Variants in PARD3B observed in about 807,000 individuals in gnomAD.
PARD3B encodes par-3 family cell polarity regulator beta, also known as partitioning defective 3 homolog B.
PARD3B carries 103 observed loss-of-function variants against 130.2 expected under a neutral mutation model. The ratio of observed to expected loss-of-function variants is 0.79; its 90% CI spans 0.67 to 0.93. The LOEUF is 0.93. PARD3B is among the 40% of genes least tolerant of loss of function. The probability of loss-of-function intolerance (pLI) is 0.00; values close to 1 mark genes in which losing one functional copy is unlikely to be tolerated. For synonymous variants in PARD3B, 583 were observed against 553.2 expected (o/e 1.05, Z -0.76); for missense variants, 1,609 against 1,499.2 (o/e 1.07, Z -1.21).
chr2:205,593,659 G>A (rs918131112), intron 22 of PARD3B, among the ~76,000 whole-genome samples: 2 of 152,168 alleles, frequency 1.3e-5, no homozygotes, highest in Non-Finnish European at 1.5e-5. Flanking sequence ...GAACAAGGAG[G>A]TAAATTAGAG....
At chr2:204,801,617 G>A (rs1373596339) in intron 2 of PARD3B, among the ~76,000 whole-genome samples, 1 of 152,130 alleles carries the variant, frequency 6.6e-6, no homozygotes, top group Admixed American at 6.5e-5. Flanking sequence ...TGAGACAATG[G>A]GGTTTTCTAA....
At chr2:204,812,159 A>G (rs1319397688) in intron 2 of PARD3B, among the ~76,000 whole-genome samples, 1 of 152,156 alleles carries the variant, frequency 6.6e-6, no homozygotes, top group Non-Finnish European at 1.5e-5. Flanking sequence ...TTCACTCACT[A>G]AAATTATTTT....
rs544040253 is a variant in PARD3B at position 205,308,499 on chromosome 2, C to T, written c.2630+6798C>T. Among the ~76,000 whole-genome samples the T allele has an allele frequency of 1.9e-4, 29 of 149,954 alleles. 1 individual carries two copies. Among genetic ancestry groups the T allele is most frequent in the African/African-American group, 6.8e-4 (28 of 40,992 alleles). On this transcript the variant is annotated intron_variant, in intron 18 of 22. Transcript: ENST00000406610. ...GCGGGCGCCTGTAGTCCCAGCTACT[C>T]AGGAGGCTGAGGCAGGAGAATGGCG...
chr2:205,518,998 C>T (rs867353794), intron 21 of PARD3B, among the ~76,000 whole-genome samples: 14 of 152,080 alleles, frequency 9.2e-5, no homozygotes, highest in Non-Finnish European at 2.1e-4. Context: ...CCTGTCCTTT[C>T]TCTCTAGCTG....
intron 2 of PARD3B, among the ~76,000 whole-genome samples, chr2:204,849,967 T>G (rs982995035): frequency 1.3e-5 from 2 of 152,202 alleles, no homozygotes; most frequent in Non-Finnish European, 2.9e-5. Context: ...TAAATTGGTA[T>G]TTTTCTAAAA....
At chr2:205,255,890 A>T (rs1396433308) in intron 16 of PARD3B, among the ~76,000 whole-genome samples, 1 of 152,018 alleles carries the variant, frequency 6.6e-6, no homozygotes, top group Non-Finnish European at 1.5e-5. Flanking sequence ...GATTGATTAC[A>T]TTATTGGCCA....
At chr2:205,073,926 T>C (rs972684310) in intron 4 of PARD3B, among the ~76,000 whole-genome samples, 2 of 152,178 alleles carry the variant, frequency 1.3e-5, no homozygotes, top group African/African-American at 2.4e-5. Context: ...GTGATATACA[T>C]ACATGTGAAC....
chr2:205,301,640 A>C lies in PARD3B; in HGVS notation c.2569A>C (p.Lys857Gln), dbSNP rs761178202. The C allele has an allele frequency of 5.0e-6, 8 of 1,613,556 alleles. No homozygotes were observed. Among genetic ancestry groups the C allele is most frequent in the Admixed American group, 1.7e-5 (1 of 59,986 alleles). Residue 857 changes from lysine (K) to glutamine (Q), a missense_variant, in exon 18 of 23, where the codon AAA becomes CAA. Lys to Gln is a moderately conservative substitution (Grantham distance 53). Transcript: ENST00000406610. The surrounding 1 kb of genome is among the most constrained non-coding windows in gnomAD (Gnocchi z 5.2). ...ATTGAAAGTCAAGGAGAAAAAGCGC[A>C]AAGAGGAGAATGAAGATCCAGAAAG... ...GKLKVKEKKRKEENEDPERKI... is the reference protein window; with the variant it reads ...GKLKVKEKKRQEENEDPERKI...
At chr2:205,199,749 A>G (rs553971018) in intron 15 of PARD3B, among the ~76,000 whole-genome samples, 8 of 152,224 alleles carry the variant, frequency 5.3e-5, no homozygotes, top group East Asian at 3.9e-4. Flanking sequence ...GGTCAAACCA[A>G]AAAAGCATGG....
intron 11 of PARD3B, among the ~76,000 whole-genome samples, chr2:205,164,561 A>T (rs1399702023): frequency 1.3e-5 from 2 of 152,088 alleles, no homozygotes; most frequent in Non-Finnish European, 2.9e-5. Context: ...ATGGAAATGC[A>T]AACAGGAAAT....
At chr2:205,504,856 G>C (rs1238013448) in intron 21 of PARD3B, among the ~76,000 whole-genome samples, 1 of 152,216 alleles carries the variant, frequency 6.6e-6, no homozygotes, top group African/African-American at 2.4e-5. Flanking sequence ...TCTAGAACTA[G>C]AAATACCATT....
intron 10 of PARD3B, among the ~76,000 whole-genome samples, chr2:205,157,017 G>A (rs756539414): frequency 1.3e-4 from 20 of 152,142 alleles, no homozygotes; most frequent in Non-Finnish European, 2.5e-4. Context: ...AGCAAAATTA[G>A]TTCTTGTCTC....
intron 10 of PARD3B, among the ~76,000 whole-genome samples, chr2:205,156,283 G>A (rs2034144578): frequency 1.4e-5 from 2 of 147,954 alleles, no homozygotes; most frequent in African/African-American, 2.5e-5. Flanking sequence ...GGGGGGGGAG[G>A]AATAGCATTA....
intron 1 of PARD3B, among the ~76,000 whole-genome samples, chr2:204,579,822 C>G (rs2032459488): frequency 6.6e-6 from 1 of 152,220 alleles, no homozygotes; most frequent in South Asian, 2.1e-4. Flanking sequence ...CTTAGATTAC[C>G]ATACACTCAT....
chr2:204,764,035 C>G (rs2041023771), intron 2 of PARD3B, among the ~76,000 whole-genome samples: 1 of 152,062 alleles, frequency 6.6e-6, no homozygotes, highest in South Asian at 2.1e-4. Context: ...AATTCTTTGT[C>G]CCATGACCAA....
intron 9 of PARD3B, among the ~76,000 whole-genome samples, chr2:205,124,762 A>C (rs1305928567): frequency 6.6e-6 from 1 of 152,160 alleles, no homozygotes; most frequent in Non-Finnish European, 1.5e-5. Context: ...ATTTGGATTG[A>C]ATCTAAGAAT....
At chr2:205,574,535 A>G (rs2053674006) in intron 22 of PARD3B, among the ~76,000 whole-genome samples, 1 of 152,146 alleles carries the variant, frequency 6.6e-6, no homozygotes, top group African/African-American at 2.4e-5. Flanking sequence ...AATTCCGGAA[A>G]GATCTATACC....
chr2:204,826,311 A>G (rs1038035516), intron 2 of PARD3B, among the ~76,000 whole-genome samples: 3 of 152,078 alleles, frequency 2.0e-5, no homozygotes, highest in Non-Finnish European at 2.9e-5. Flanking sequence ...GGGACTTAAT[A>G]CTCAGAGTGA....
At chr2:205,069,693 G>A (rs1575696500) in intron 4 of PARD3B, among the ~76,000 whole-genome samples, 1 of 151,936 alleles carries the variant, frequency 6.6e-6, no homozygotes, top group African/African-American at 2.4e-5. Context: ...AGCTAGCTAG[G>A]ACCAGAGCCC....
Sources: gnomAD v4.1 joint callset for allele counts (sites outside exome capture counted in the v4.1 genomes callset) on GRCh38, gnomAD v4.1.1 for gene constraint, Gnocchi (gnomAD v3.1) non-coding constraint, MANE v1.5 for transcripts, NCBI Gene and HGNC (gene_info 2026-07-23, HGNC 2026-07-21) for gene names.